The following MAP3K4 variants were observed in gnomAD, a reference collection of about 807,000 sequenced individuals.
The protein encoded by MAP3K4 is mitogen-activated protein kinase kinase kinase 4.
A neutral mutation model predicts 185.6 loss-of-function variants in MAP3K4; 67 were observed. That is an observed-to-expected ratio of 0.36 (90% CI 0.30 to 0.44). MAP3K4 has a LOEUF of 0.44. MAP3K4 is among the 20% of genes least tolerant of loss of function. The probability of loss-of-function intolerance (pLI) is 1.00; values close to 1 mark genes in which losing one functional copy is unlikely to be tolerated. For missense variants in MAP3K4, 1,551 were observed against 1,995.1 expected, an observed-to-expected ratio of 0.78 and a Z score of 4.24; for synonymous variants, 702 against 710.4, an observed-to-expected ratio of 0.99 and a Z score of 0.19.
rs751175452 is a variant in MAP3K4 at position 161,051,850 on chromosome 6, A to G, written c.1707+1871A>G. ...GTTATACTGTATCTTTTTTGTTTGT[A>G]TTATTACTATTACTGTTTTAGAGAC... is the stretch of plus-strand genomic sequence containing the variant. On this transcript the variant is annotated intron_variant, in intron 3 of 26. Transcript: ENST00000392142. The surrounding 1 kb of genome is among the most constrained non-coding windows in gnomAD (Gnocchi z 4.2). Among the ~76,000 whole-genome samples the G allele has an allele frequency of 1.4e-4, 21 of 152,108 alleles. No individual in the cohort carries two copies. The highest frequency in any genetic ancestry group is 2.5e-4 in the Non-Finnish European group (17 of 68,022).
At chr6:160,994,146 TTTTA>T (rs1461883082) in intron 1 of MAP3K4, among the ~76,000 whole-genome samples, 2 of 148,450 alleles carry the variant, frequency 1.3e-5, no homozygotes, top group East Asian at 1.9e-4. Context: ...CAATTTTCTT[TTTTA>T]TTTTATTTTC....
At chr6:161,009,721 G>A (rs1366979603) in intron 1 of MAP3K4, among the ~76,000 whole-genome samples, 29 of 152,106 alleles carry the variant, frequency 1.9e-4, no homozygotes, top group Admixed American at 1.8e-3. Flanking sequence ...GAGAATATTT[G>A]TGCCAATTTC....
intron 1 of MAP3K4, among the ~76,000 whole-genome samples, chr6:160,993,442 C>T (rs1184089193): frequency 6.6e-6 from 1 of 152,098 alleles, no homozygotes; most frequent in Admixed American, 6.5e-5. Context: ...TTAATCTTTT[C>T]AACAACTCTA....
chr6:161,068,578 A>G (rs1268733984), intron 3 of MAP3K4, among the ~76,000 whole-genome samples: 1 of 152,248 alleles, frequency 6.6e-6, no homozygotes, highest in Non-Finnish European at 1.5e-5. Context: ...AAGGGCTAAG[A>G]CAAGCCTTGG....
At position 161,067,267 on chromosome 6, in the gene MAP3K4, C is replaced by A. The variant is rs775033408; in HGVS notation, c.1708-3341C>A. ...TTCCATCCAGAAAGACAGGACAACTCGAAGCAGGGATGGGGCTTGCAGGTC... is the reference window on the plus strand; with the variant it reads ...TTCCATCCAGAAAGACAGGACAACTAGAAGCAGGGATGGGGCTTGCAGGTC... On this transcript the variant is annotated intron_variant, in intron 3 of 26. Transcript: ENST00000392142. This position sits in a 1 kb window ranked among gnomAD's most constrained non-coding sequence, Gnocchi z 6.3. 2 of 441,802 alleles carry A rather than the reference C, an allele frequency of 4.5e-6. No individual in the cohort carries two copies. Among genetic ancestry groups the A allele is most frequent in the African/African-American group, 2.0e-5 (1 of 49,454 alleles). 27.4% of individuals were successfully genotyped at this position (441,802 alleles called of 1,614,324 possible).
intron 3 of MAP3K4, among the ~76,000 whole-genome samples, chr6:161,065,764 C>G (rs1263033604): frequency 6.6e-6 from 1 of 152,034 alleles, no homozygotes; most frequent in Non-Finnish European, 1.5e-5. Flanking sequence ...CAGTGAAACC[C>G]CGTCTCTACT....
At chr6:161,018,837 T>C (rs761093810) in intron 1 of MAP3K4, among the ~76,000 whole-genome samples, 2 of 152,030 alleles carry the variant, frequency 1.3e-5, no homozygotes, top group Admixed American at 6.6e-5. Context: ...ACATGAATAT[T>C]AGAGAAAAAA....
At position 161,091,670 on chromosome 6, in the gene MAP3K4, C is replaced by G; in HGVS notation, c.3135+130C>G. 3.8e-6 allele frequency: 3 copies of G among 796,598 alleles called. No individual in the cohort carries two copies. Among genetic ancestry groups the G allele is most frequent in the Non-Finnish European group, 4.0e-6 (2 of 499,122 alleles). The allele number at this position is 796,598 out of a possible 1,614,324, so 49.3% of individuals were successfully genotyped here. ...CTTAATCAAGAATATCATCTTATAT[C>G]ACTGCTGTATATCAGAGATGTTAGT... On this transcript the variant is annotated intron_variant, in intron 12 of 26. Transcript: ENST00000392142. The surrounding 1 kb of genome is among the most constrained non-coding windows in gnomAD (Gnocchi z 5.5).
intron 15 of MAP3K4, among the ~76,000 whole-genome samples, chr6:161,094,442 CTT>C (rs1777482441): frequency 6.6e-6 from 1 of 152,168 alleles, no homozygotes; most frequent in Non-Finnish European, 1.5e-5. Flanking sequence ...ATGATTAACA[CTT>C]TTATAGTATA....
In MAP3K4 at chr6:161,020,656, T is replaced by TAAA. The variant is rs775816898; in HGVS notation, c.153-13587_153-13585dup. 2.0e-3 allele frequency among the ~76,000 whole-genome samples: 194 copies of TAAA among 96,456 alleles called. 1 individual carries two copies. Among genetic ancestry groups the TAAA allele is most frequent in the African/African-American group, 6.9e-3 (177 of 25,812 alleles). The allele number at this position is 96,456 out of a possible 152,430, so 63.3% of individuals were successfully genotyped here. On this transcript the variant is annotated intron_variant, in intron 1 of 26. Coordinates refer to ENST00000392142, the MANE Select transcript of MAP3K4 (RefSeq NM_005922.4). Reference sequence around the variant, plus strand: ...CTGGGTGACAGAGTGAGACTCTGTCTAAAAAAAAAAAAAAAAAACAAGAAA... The same window carrying TAAA: ...CTGGGTGACAGAGTGAGACTCTGTCTAAAAAAAAAAAAAAAAAAAAACAAGAAA...
chr6:161,094,025 T>C (rs1367646050), intron 15 of MAP3K4, among the ~76,000 whole-genome samples, 174 bp downstream of exon 15: 3 of 150,852 alleles, frequency 2.0e-5, no homozygotes, highest in Non-Finnish European at 4.4e-5. Flanking sequence ...CAGCAACCTT[T>C]CTAAATCTGA....
Position 161,116,151 on chromosome 6 carries a change from T to C in MAP3K4, c.4807-699T>C, listed in dbSNP as rs1443742324. ...GAGTGGCTCCCAGGTTTCTGGTTTG[T>C]GTCATCAGGTCACAGACTCTATTTG... On this transcript the variant is annotated intron_variant, in intron 26 of 26. Coordinates refer to ENST00000392142, the MANE Select transcript of MAP3K4 (RefSeq NM_005922.4). The surrounding 1 kb of genome is among the most constrained non-coding windows in gnomAD (Gnocchi z 6.2). Among the ~76,000 whole-genome samples the C allele has an allele frequency of 6.6e-6, 1 of 151,794 alleles. No homozygotes were observed. Among genetic ancestry groups the C allele is most frequent in the African/African-American group, 2.4e-5 (1 of 41,316 alleles).
intron 5 of MAP3K4, among the ~76,000 whole-genome samples, chr6:161,078,451 G>T (rs543370829): frequency 6.6e-6 from 1 of 152,324 alleles, no homozygotes; most frequent in Admixed American, 6.5e-5. Context: ...AGAGGAAAGC[G>T]AACAAAGGAG....
chr6:161,092,832 C>G (rs528709891), intron 13 of MAP3K4, 146 bp from the exon 14 acceptor site: 1 of 492,122 alleles, frequency 2.0e-6, no homozygotes, highest in South Asian at 4.2e-5. Context: ...AAAGGTCACG[C>G]TGTAAACTTA....
intron 17 of MAP3K4, among the ~76,000 whole-genome samples, chr6:161,099,868 G>A (rs969646262): frequency 2.0e-5 from 3 of 152,218 alleles, no homozygotes; most frequent in Non-Finnish European, 4.4e-5. Flanking sequence ...TTTTCATGGA[G>A]TTTAGTCTTT....
At chr6:161,069,920 C>A (rs1409037640) in intron 3 of MAP3K4, among the ~76,000 whole-genome samples, 1 of 151,756 alleles carries the variant, frequency 6.6e-6, no homozygotes, top group East Asian at 1.9e-4. Flanking sequence ...CCCAACATTC[C>A]AGATCCCCTA....
At position 161,114,965 on chromosome 6, in the gene MAP3K4, A is replaced by G. The variant is rs759351967; in HGVS notation, c.4627-158A>G. Among the ~76,000 whole-genome samples the G allele has an allele frequency of 4.6e-5, 7 of 152,232 alleles. No individual in the cohort carries two copies. The highest frequency in any genetic ancestry group is 8.8e-5 in the Non-Finnish European group (6 of 68,038). ...AGTGAATAGTTGTGATAGAGATCATATGGCCTGTCAACCTAAAATATTGTT... is the reference window on the plus strand; with the variant it reads ...AGTGAATAGTTGTGATAGAGATCATGTGGCCTGTCAACCTAAAATATTGTT... On this transcript the variant is annotated intron_variant, in intron 25 of 26. Coordinates refer to ENST00000392142, the MANE Select transcript of MAP3K4 (RefSeq NM_005922.4). This position sits in a 1 kb window ranked among gnomAD's most constrained non-coding sequence, Gnocchi z 4.3.
chr6:161,000,824 TATGC>T (rs200556247), intron 1 of MAP3K4, among the ~76,000 whole-genome samples: 3 of 144,374 alleles, frequency 2.1e-5, no homozygotes, highest in African/African-American at 8.6e-5. Flanking sequence ...CACACATGTG[TATGC>T]ACACATACAC....
intron 11 of MAP3K4, among the ~76,000 whole-genome samples, chr6:161,089,977 T>C (rs1055062420): frequency 1.3e-5 from 2 of 152,248 alleles, no homozygotes; most frequent in Non-Finnish European, 2.9e-5. Flanking sequence ...TTTTCCATTA[T>C]TTCCTGTTTT....
Sources: gnomAD v4.1 joint callset for allele counts (sites outside exome capture counted in the v4.1 genomes callset) on GRCh38, gnomAD v4.1.1 for gene constraint, Gnocchi (gnomAD v3.1) non-coding constraint, MANE v1.5 for transcripts, NCBI Gene and HGNC (gene_info 2026-07-23, HGNC 2026-07-21) for gene names.